NFIB: variants seen among roughly 807,000 people sequenced by gnomAD.
NFIB encodes nuclear factor I B, also known as nuclear factor 1 B-type.
In NFIB, 11 loss-of-function variants were observed where a neutral mutation model predicts 61.5. The observed-to-expected ratio is 0.18, with a 90% CI of 0.11 to 0.30. The LOEUF is 0.30. Ranked by LOEUF, NFIB falls within the 10% of genes least tolerant of loss-of-function variation. NFIB has a pLI of 1.00. For synonymous variants in NFIB, 260 were observed against 216.5 expected (o/e 1.20, Z -1.76); for missense variants, 471 against 608.9 (o/e 0.77, Z 2.38).
intron 2 of NFIB, among the ~76,000 whole-genome samples, chr9:14,261,064 C>A (rs1563954024): frequency 6.6e-6 from 1 of 152,310 alleles, no homozygotes; most frequent in South Asian, 2.1e-4. Flanking sequence ...CGCCTATAAT[C>A]CCAGCTCTTT....
chr9:14,490,555 T>G, the NFIB span, among the ~76,000 whole-genome samples: 3 of 152,110 alleles, frequency 2.0e-5, no homozygotes, highest in African/African-American at 7.2e-5. Flanking sequence ...ACACTTACAG[T>G]TGACAAAGGC....
chr9:14,092,742 C>T (rs1330137923), intron 10 of NFIB, among the ~76,000 whole-genome samples: 1 of 151,966 alleles, frequency 6.6e-6, no homozygotes, highest in African/African-American at 2.4e-5. Context: ...GTATTCATCT[C>T]CTCTGAAACA....
the NFIB span, among the ~76,000 whole-genome samples, chr9:14,465,572 T>TACACAC: frequency 0.066 from 9,617 of 146,218 alleles, 355 homozygotes; most frequent in African/African-American, 0.085. Flanking sequence ...AATGACTTGT[T>TACACAC]ACACACACAC....
At chr9:14,170,430 C>G (rs1587272232) in intron 3 of NFIB, among the ~76,000 whole-genome samples, 1 of 152,058 alleles carries the variant, frequency 6.6e-6, no homozygotes, top group East Asian at 1.9e-4. Flanking sequence ...TCACTTCAGC[C>G]CAGGAGCTGG....
chr9:14,431,271 A>C, the NFIB span, among the ~76,000 whole-genome samples: 1 of 152,230 alleles, frequency 6.6e-6, no homozygotes, highest in East Asian at 1.9e-4. Context: ...AGAGTGAACC[A>C]GGACTGCAAA....
intron 2 of NFIB, among the ~76,000 whole-genome samples, chr9:14,241,190 G>A (rs1367365376): frequency 6.6e-6 from 1 of 152,156 alleles, no homozygotes; most frequent in Non-Finnish European, 1.5e-5. Context: ...AATAATTCCA[G>A]AACCTCAAAA....
At chr9:14,143,928 T>C (rs1422049585) in intron 6 of NFIB, among the ~76,000 whole-genome samples, 1 of 151,802 alleles carries the variant, frequency 6.6e-6, no homozygotes, top group East Asian at 1.9e-4. Context: ...TTGAGTCTTC[T>C]TCCCACAATG....
At chr9:14,356,214 G>A (rs1006044455) in intron 1 of NFIB, among the ~76,000 whole-genome samples, 1 of 152,146 alleles carries the variant, frequency 6.6e-6, no homozygotes, top group Non-Finnish European at 1.5e-5. Context: ...CCCATTCTCT[G>A]GTAGTCACTA....
chr9:14,446,119 C>T, the NFIB span, among the ~76,000 whole-genome samples: 4 of 152,282 alleles, frequency 2.6e-5, no homozygotes, highest in South Asian at 2.1e-4. Context: ...ACCCGAAGAA[C>T]GTGCCTTTGC....
intron 10 of NFIB, among the ~76,000 whole-genome samples, chr9:14,102,168 A>G (rs1278743513): frequency 6.6e-6 from 1 of 152,150 alleles, no homozygotes; most frequent in Non-Finnish European, 1.5e-5. Context: ...CCCACCAAAA[A>G]CAGTATAAAT....
At chr9:14,503,216 T>C in the NFIB span, among the ~76,000 whole-genome samples, 6 of 152,074 alleles carry the variant, frequency 3.9e-5, no homozygotes, top group South Asian at 1.0e-3. Flanking sequence ...GCTGGTTCCA[T>C]ATTTTTGCAA....
intron 1 of NFIB, among the ~76,000 whole-genome samples, chr9:14,387,556 G>T (rs911284446): frequency 2.0e-5 from 3 of 152,096 alleles, no homozygotes; most frequent in Non-Finnish European, 4.4e-5. Flanking sequence ...ATGAGCAAAG[G>T]ATAGAAATTG....
rs58899172 is a variant in NFIB, at chr9:14,366,486, CT to C, written c.108+32037del. ...TCTGACCACAGATTTTAATTTTATTCTTTTTTTTTTTCTTCTTGAGACAGAG... is the reference window on the plus strand; with the variant it reads ...TCTGACCACAGATTTTAATTTTATTCTTTTTTTTTTCTTCTTGAGACAGAG... On this transcript the variant is annotated intron_variant, in intron 1 of 8. Coordinates refer to the NFIB transcript ENST00000380934. Among the ~76,000 whole-genome samples, 459 of 147,652 alleles carry C rather than the reference CT, an allele frequency of 3.1e-3. 2 individuals are homozygous for C. Among genetic ancestry groups the C allele is most frequent in the African/African-American group, 9.3e-3 (377 of 40,426 alleles).
chr9:14,204,438 A>G, intron 2 of NFIB: 1 of 1,102,996 alleles, frequency 9.1e-7, no homozygotes, highest in Non-Finnish European at 1.4e-6. Context: ...AGCAGGTTGC[A>G]GCGGCAGAGA....
intron 2 of NFIB, among the ~76,000 whole-genome samples, chr9:14,240,899 G>A (rs1257212349): frequency 6.6e-6 from 1 of 152,188 alleles, no homozygotes; most frequent in Non-Finnish European, 1.5e-5. Flanking sequence ...GCAAGTGACA[G>A]CGTAAGATGG....
intron 1 of NFIB, among the ~76,000 whole-genome samples, chr9:14,326,794 T>TA (rs2060758306): frequency 6.6e-6 from 1 of 152,292 alleles, no homozygotes; most frequent in Non-Finnish European, 1.5e-5. Flanking sequence ...CTTCTAGCTT[T>TA]AAAAAATAAT....
chr9:14,123,922 G>A (rs1274056572), intron 7 of NFIB, among the ~76,000 whole-genome samples: 1 of 151,780 alleles, frequency 6.6e-6, no homozygotes, highest in Non-Finnish European at 1.5e-5. Context: ...GTTCCTTCTT[G>A]TGGTGAACTT....
At chr9:14,506,203 A>G in the NFIB span, among the ~76,000 whole-genome samples, 8 of 152,188 alleles carry the variant, frequency 5.3e-5, no homozygotes, top group Non-Finnish European at 8.8e-5. Flanking sequence ...TTTTATTACA[A>G]TTGACATAAG....
the NFIB span, among the ~76,000 whole-genome samples, chr9:14,481,195 G>GTATATATATATATATATA: frequency 4.8e-4 from 17 of 35,060 alleles, no homozygotes; most frequent in African/African-American, 8.3e-4. Context: ...GTGTGTGTGT[G>GTATATATATATATATATA]TGTATATATA....
Sources: gnomAD v4.1 joint callset for allele counts (sites outside exome capture counted in the v4.1 genomes callset) on GRCh38, gnomAD v4.1.1 for gene constraint, MANE v1.5 for transcripts, NCBI Gene and HGNC (gene_info 2026-07-23, HGNC 2026-07-21) for gene names.